Variants in CDIN1 observed in about 807,000 individuals in gnomAD.
CDIN1 encodes CDAN1 interacting nuclease 1, also known as CDAN1-interacting nuclease 1.
Under a neutral mutation model 45.3 loss-of-function variants are expected in CDIN1, and 33 were observed. The observed-to-expected ratio is 0.73, with a 90% confidence interval of 0.55 to 0.97. The LOEUF (loss-of-function observed/expected upper bound fraction) is 0.97, where lower values mean the gene tolerates loss of function less well. CDIN1 is among the 50% of genes least tolerant of loss of function. The pLI, the probability that CDIN1 is intolerant of heterozygous loss-of-function variation, is 0.00. For synonymous variants in CDIN1, 118 were observed against 124.4 expected (o/e 0.95, Z 0.34); for missense variants, 303 against 339.4 (o/e 0.89, Z 0.84).
chr15:36,607,937 G>T (rs1391904242), intron 1 of CDIN1, among the ~76,000 whole-genome samples: 3 of 152,122 alleles, frequency 2.0e-5, no homozygotes, highest in African/African-American at 7.2e-5. Flanking sequence ...TGCCTATCTG[G>T]ACATTTTGTA....
intron 10 of CDIN1, among the ~76,000 whole-genome samples, chr15:36,795,997 C>T (rs2054785962): frequency 6.6e-6 from 1 of 152,160 alleles, no homozygotes; most frequent in Non-Finnish European, 1.5e-5. Flanking sequence ...TTTCCTACCC[C>T]TCAGTTCTGC....
chr15:36,809,356 T>C lies in CDIN1; in HGVS notation c.*903T>C, dbSNP rs2055330664. 2.6e-5 allele frequency: 4 copies of C among 153,934 alleles called. No homozygotes were observed. The highest frequency in any genetic ancestry group is 2.6e-4 in the Admixed American group (4 of 15,458). The allele number at this position is 153,934 out of a possible 1,614,324, so 9.5% of individuals were successfully genotyped here. ...CTGTATACTGCTTAGTATATGCATT[T>C]TATACCATGTAATTATAAAACACTC... On this transcript the variant is annotated 3_prime_UTR_variant, in exon 11 of 11. Transcript: ENST00000566621.
chr15:36,797,773 C>A (rs886675919), intron 10 of CDIN1, among the ~76,000 whole-genome samples: 2 of 151,826 alleles, frequency 1.3e-5, no homozygotes, highest in Non-Finnish European at 2.9e-5. Context: ...TGAGGTGAGG[C>A]GTTCAAGACG....
intron 10 of CDIN1, among the ~76,000 whole-genome samples, chr15:36,732,346 G>A (rs1012504680): frequency 4.6e-5 from 7 of 151,906 alleles, no homozygotes; most frequent in Non-Finnish European, 8.8e-5. Context: ...CTAACCAAAT[G>A]CAGTTGATCC....
At chr15:36,693,768 C>G (rs1291300158) in intron 7 of CDIN1, among the ~76,000 whole-genome samples, 1 of 152,056 alleles carries the variant, frequency 6.6e-6, no homozygotes, top group Non-Finnish European at 1.5e-5. Context: ...AGGTTATTTA[C>G]AAGTTTTGCC....
intron 5 of CDIN1, among the ~76,000 whole-genome samples, chr15:36,670,470 T>C (rs1054158616): frequency 6.6e-6 from 1 of 152,172 alleles, no homozygotes; most frequent in African/African-American, 2.4e-5. Flanking sequence ...GACACCTTTG[T>C]ATTTCGGGTT....
intron 10 of CDIN1, among the ~76,000 whole-genome samples, chr15:36,771,656 A>G (rs2054080644): frequency 1.3e-5 from 2 of 152,184 alleles, no homozygotes; most frequent in African/African-American, 4.8e-5. Flanking sequence ...GTGAAAGAAG[A>G]CAGTGGCTCC....
chr15:36,712,260 CTTTTTTTTTTTTTT>C (rs780494427), intron 10 of CDIN1, among the ~76,000 whole-genome samples: 1 of 77,372 alleles, frequency 1.3e-5, no homozygotes, highest in Non-Finnish European at 2.3e-5. Context: ...TAGACTAATG[CTTTTTTTTTTTTTT>C]TTTTTTTTTG....
chr15:36,633,958 C>G (rs2039789770), intron 1 of CDIN1, among the ~76,000 whole-genome samples: 1 of 151,946 alleles, frequency 6.6e-6, no homozygotes, highest in Non-Finnish European at 1.5e-5. Context: ...CACTGTGTTA[C>G]CCAGGCTGGT....
intron 10 of CDIN1, among the ~76,000 whole-genome samples, chr15:36,787,989 T>G (rs747555074): frequency 6.7e-6 from 1 of 148,978 alleles, no homozygotes; most frequent in South Asian, 2.1e-4. Context: ...AATTGTGAAA[T>G]TGAACTAAGA....
chr15:36,735,551 A>G lies in CDIN1; in HGVS notation c.716+25590A>G, dbSNP rs1459266979. On this transcript the variant is annotated intron_variant, in intron 10 of 10. Transcript: ENST00000566621. ...ATCACTAAAATTACCAAAGACATAC[A>G]TATGTGCATATATATGCATATTATG... is the stretch of plus-strand genomic sequence containing the variant. Among the ~76,000 whole-genome samples, 3 of 152,240 alleles carry G rather than the reference A, an allele frequency of 2.0e-5. No homozygotes were observed. In the East Asian group the frequency reaches 5.8e-4, roughly 29 times the overall value.
chr15:36,650,385 C>G (rs2140434202), intron 3 of CDIN1, among the ~76,000 whole-genome samples: 1 of 151,852 alleles, frequency 6.6e-6, no homozygotes, highest in South Asian at 2.1e-4. Flanking sequence ...TTCAATAATT[C>G]AAAAGCTTGA....
chr15:36,753,230 AC>A (rs1566951018), intron 10 of CDIN1, among the ~76,000 whole-genome samples: 1 of 152,160 alleles, frequency 6.6e-6, no homozygotes, highest in East Asian at 1.9e-4. Context: ...CCAATCGTTA[AC>A]ATTCCTGGAG....
chr15:36,777,572 A>C (rs1428601002), intron 10 of CDIN1, among the ~76,000 whole-genome samples: 2 of 152,188 alleles, frequency 1.3e-5, no homozygotes, highest in Non-Finnish European at 2.9e-5. Flanking sequence ...CCCCTACTGT[A>C]CACCAGACTC....
intron 4 of CDIN1, 42 bp downstream of exon 4, chr15:36,654,200 C>A: frequency 6.8e-7 from 1 of 1,463,266 alleles, no homozygotes; most frequent in Non-Finnish European, 9.4e-7. Context: ...TGCGTGTAAC[C>A]TAAGGGGCCT....
intron 3 of CDIN1, among the ~76,000 whole-genome samples, chr15:36,649,085 T>C (rs1481565219): frequency 6.6e-6 from 1 of 152,230 alleles, no homozygotes; most frequent in African/African-American, 2.4e-5. Context: ...TTTATTTAAA[T>C]TTTCAGATAT....
chr15:36,779,504 CA>C (rs2054298174), intron 10 of CDIN1, among the ~76,000 whole-genome samples: 1 of 152,208 alleles, frequency 6.6e-6, no homozygotes, highest in Admixed American at 6.5e-5. Flanking sequence ...GACAGCTGTT[CA>C]AAATGTAGAT....
intron 1 of CDIN1, among the ~76,000 whole-genome samples, chr15:36,599,363 G>A (rs2037992854): frequency 6.6e-6 from 1 of 152,196 alleles, no homozygotes; most frequent in African/African-American, 2.4e-5. Context: ...CAATGGCTGT[G>A]TAAACCTTAA....
At position 36,630,571 on chromosome 15, in the gene CDIN1, T is replaced by C. The variant is rs568466706; in HGVS notation, c.102-13707T>C. Reference sequence around the variant, plus strand: ...GACAATACAACTGTTGATGCCACCCTCCCTATTGTTTAATACATATTTGTG... The same window carrying C: ...GACAATACAACTGTTGATGCCACCCCCCCTATTGTTTAATACATATTTGTG... On this transcript the variant is annotated intron_variant, in intron 1 of 10. Coordinates refer to ENST00000566621, the MANE Select transcript of CDIN1 (RefSeq NM_001321759.2). 2.0e-5 allele frequency among the ~76,000 whole-genome samples: 3 copies of C among 152,310 alleles called. No individual in the cohort carries two copies. The South Asian group carries it at 6.2e-4, about 32-fold the overall frequency.
Sources: gnomAD v4.1 joint callset for allele counts (sites outside exome capture counted in the v4.1 genomes callset) on GRCh38, gnomAD v4.1.1 for gene constraint, MANE v1.5 for transcripts, NCBI Gene and HGNC (gene_info 2026-07-23, HGNC 2026-07-21) for gene names.